The following STIMATE variants were observed in gnomAD, a reference collection of about 807,000 sequenced individuals.
STIMATE encodes the protein store-operated calcium entry regulator STIMATE.
STIMATE carries 15 observed loss-of-function variants against 36.7 expected under a neutral mutation model. The ratio of observed to expected loss-of-function variants is 0.41; its 90% CI spans 0.27 to 0.63. STIMATE has a LOEUF of 0.63. Among genes scored for constraint, STIMATE ranks in the 20% least tolerant of loss-of-function variants. The pLI, the probability that STIMATE is intolerant of heterozygous loss-of-function variation, is 0.32. For synonymous variants in STIMATE, 163 were observed against 162.3 expected (o/e 1.00, Z -0.03); for missense variants, 305 against 397.3 (o/e 0.77, Z 1.98).
chr3:52,838,495 T>G lies in STIMATE; in HGVS notation c.*1999A>C, dbSNP rs1022492426. 2.6e-5 allele frequency: 4 copies of G among 152,182 alleles called. No homozygotes were observed. Among genetic ancestry groups the G allele is most frequent in the African/African-American group, 9.7e-5 (4 of 41,440 alleles). 9.4% of individuals were successfully genotyped at this position (152,182 alleles called of 1,614,324 possible). ...CCTGTCAGGAACATGAGTCTTGGTC[T>G]TCCTAAATTCGACTGAGAATGGCCT... On this transcript the variant is annotated 3_prime_UTR_variant, in exon 8 of 8. Coordinates refer to ENST00000355083, the MANE Select transcript of STIMATE (RefSeq NM_198563.5).
At chr3:52,861,619 T>C (rs1701216431) in intron 1 of STIMATE, among the ~76,000 whole-genome samples, 2 of 152,310 alleles carry the variant, frequency 1.3e-5, no homozygotes, top group East Asian at 1.9e-4. Flanking sequence ...CAGATGGAAA[T>C]GTCAGTGATG....
intron 1 of STIMATE, among the ~76,000 whole-genome samples, chr3:52,870,023 C>G (rs1575340179): frequency 6.6e-6 from 1 of 152,234 alleles, no homozygotes; most frequent in Non-Finnish European, 1.5e-5. Context: ...GCTAGAGGAA[C>G]TGCTGGAGGA....
chr3:52,860,396 G>C (rs1180479774), intron 1 of STIMATE, among the ~76,000 whole-genome samples: 1 of 152,008 alleles, frequency 6.6e-6, no homozygotes, highest in Non-Finnish European at 1.5e-5. Flanking sequence ...CCCGAGGAAG[G>C]TGCAGGCCAA....
chr3:52,893,016 G>C (rs1701806084), intron 1 of STIMATE, among the ~76,000 whole-genome samples: 1 of 149,922 alleles, frequency 6.7e-6, no homozygotes, highest in Non-Finnish European at 1.5e-5. Context: ...ACAACAAGCA[G>C]CCAGAACTCT....
intron 1 of STIMATE, among the ~76,000 whole-genome samples, chr3:52,878,925 T>C (rs996968765): frequency 6.6e-6 from 1 of 152,158 alleles, no homozygotes; most frequent in Non-Finnish European, 1.5e-5. Flanking sequence ...CCAACGGCAG[T>C]GCAAGTGCAC....
intron 1 of STIMATE, among the ~76,000 whole-genome samples, chr3:52,867,923 C>G (rs1701338451): frequency 6.6e-6 from 1 of 152,178 alleles, no homozygotes; most frequent in Admixed American, 6.5e-5. Flanking sequence ...AGGCCAGTGA[C>G]CTCAAGCCAT....
intron 1 of STIMATE, among the ~76,000 whole-genome samples, chr3:52,856,418 T>A (rs1701097020): frequency 1.3e-5 from 2 of 152,208 alleles, no homozygotes; most frequent in Non-Finnish European, 2.9e-5. Flanking sequence ...TGGTGGCTCA[T>A]GCCTGTAATC....
intron 1 of STIMATE, among the ~76,000 whole-genome samples, chr3:52,894,507 A>T (rs1476429442): frequency 6.6e-6 from 1 of 152,230 alleles, no homozygotes; most frequent in African/African-American, 2.4e-5. Flanking sequence ...AGACATTAAT[A>T]TATATAAGTA....
rs11707937 is a variant in STIMATE at position 52,888,006 on chromosome 3, T to G, written c.160+9285A>C. ...TATAACAGAATCAGTTTTTTTTTTT[T>G]TTTTTTTTTTTTTTTGCCAGTAATT... On this transcript the variant is annotated intron_variant, in intron 1 of 7. Transcript: ENST00000355083. 1.4e-3 allele frequency among the ~76,000 whole-genome samples: 175 copies of G among 123,924 alleles called. 4 individuals are homozygous for G. Among genetic ancestry groups the G allele is most frequent in the South Asian group, 6.5e-3 (24 of 3,686 alleles). The allele number at this position is 123,924 out of a possible 152,430, so 81.3% of individuals were successfully genotyped here. A position where few individuals can be genotyped will look rare whatever the true frequency, so the allele number is the denominator to read the frequency against.
intron 3 of STIMATE, among the ~76,000 whole-genome samples, chr3:52,852,237 C>G (rs769220757): frequency 6.6e-6 from 1 of 152,230 alleles, no homozygotes; most frequent in Non-Finnish European, 1.5e-5. Flanking sequence ...CACAGAGAAG[C>G]CCTGGTGTGT....
At position 52,840,540 on chromosome 3, in the gene STIMATE, AG is replaced by A. The variant is rs769908667; in HGVS notation, c.838del (p.Leu280SerfsTer4). The A allele has an allele frequency of 4.3e-6, 7 of 1,613,720 alleles. No homozygotes were observed. On this transcript the variant is annotated frameshift_variant, in exon 8 of 8. Coordinates refer to ENST00000355083, the MANE Select transcript of STIMATE (RefSeq NM_198563.5). LOFTEE classifies it high-confidence loss of function. ...VEEDLRRLTPLKPVKKKKHRF... is the reference protein window; with the variant it reads ...VEEDLRRLTPXKPVKKKKHRF... The stretch of plus-strand genomic sequence containing the variant: ...GTGCTTCTTTTTCTTCACAGGCTTG[AG>A]GGGGGTCAGTCTGCGGAGGTCCTCC...
At chr3:52,896,239 A>G (rs1411897185) in intron 1 of STIMATE, among the ~76,000 whole-genome samples, 1 of 152,194 alleles carries the variant, frequency 6.6e-6, no homozygotes, top group Non-Finnish European at 1.5e-5. Flanking sequence ...CCTCCTGAGT[A>G]CCCCAAAGCA....
intron 5 of STIMATE, among the ~76,000 whole-genome samples, chr3:52,844,613 C>A (rs754322026): frequency 1.3e-5 from 2 of 152,264 alleles, no homozygotes; most frequent in Non-Finnish European, 1.5e-5. Context: ...TAGTTTTATA[C>A]ATCCCAAGGC....
intron 4 of STIMATE, among the ~76,000 whole-genome samples, chr3:52,849,244 C>T (rs996583471): frequency 6.6e-6 from 1 of 152,160 alleles, no homozygotes; most frequent in Non-Finnish European, 1.5e-5. Flanking sequence ...CTGATGTTAC[C>T]CCTAACTCTG....
At chr3:52,881,531 C>T (rs371891298) in intron 1 of STIMATE, among the ~76,000 whole-genome samples, 9 of 152,092 alleles carry the variant, frequency 5.9e-5, no homozygotes, top group East Asian at 1.9e-4. Flanking sequence ...GGTGAAACCC[C>T]GTCTCTACTA....
intron 2 of STIMATE, 73 bp downstream of exon 2, chr3:52,855,323 A>AAC: frequency 6.5e-7 from 1 of 1,546,732 alleles, no homozygotes; most frequent in Non-Finnish European, 8.8e-7. Flanking sequence ...CCAACACCAT[A>AAC]CCCCACCCCC....
In STIMATE at chr3:52,876,512, G is replaced by A. The variant is rs981616132; in HGVS notation, c.160+20779C>T. Among the ~76,000 whole-genome samples, 4 of 152,214 alleles carry A rather than the reference G, an allele frequency of 2.6e-5. No individual in the cohort carries two copies. The South Asian group carries it at 6.2e-4, about 24-fold the overall frequency. On this transcript the variant is annotated intron_variant, in intron 1 of 7. Coordinates refer to ENST00000355083, the MANE Select transcript of STIMATE (RefSeq NM_198563.5). ...GAACTGCATGGGTCCACTTATACACGGATTTTCTCCCATCTCTGCCACCCG... is the reference window on the plus strand; with the variant it reads ...GAACTGCATGGGTCCACTTATACACAGATTTTCTCCCATCTCTGCCACCCG...
chr3:52,840,620 T>G lies in STIMATE; in HGVS notation c.769-10A>C, dbSNP rs569131204. 1.9e-6 allele frequency: 3 copies of G among 1,611,090 alleles called. No homozygotes were observed. Among genetic ancestry groups the G allele is most frequent in the Non-Finnish European group, 2.5e-6 (3 of 1,178,728 alleles). ...CCGCTGAGATCAGGATCTGAGGCAGTAGAGAGGCAGGGCCTGAGTCACCCC... is the reference window on the plus strand; with the variant it reads ...CCGCTGAGATCAGGATCTGAGGCAGGAGAGAGGCAGGGCCTGAGTCACCCC... On this transcript the variant is annotated splice_polypyrimidine_tract_variant and intron_variant, in intron 7 of 7. Coordinates refer to ENST00000355083, the MANE Select transcript of STIMATE (RefSeq NM_198563.5).
At chr3:52,877,939 CA>C (rs1470461448) in intron 1 of STIMATE, among the ~76,000 whole-genome samples, 1 of 151,922 alleles carries the variant, frequency 6.6e-6, no homozygotes, top group Non-Finnish European at 1.5e-5. Flanking sequence ...ACTAAAAATA[CA>C]AAAAATTAGC....
Sources: allele counts gnomAD v4.1 joint callset (sites outside exome capture counted in the v4.1 genomes callset), GRCh38; gene constraint gnomAD v4.1.1; transcripts MANE v1.5; gene names NCBI Gene and HGNC (gene_info 2026-07-23, HGNC 2026-07-21).